Variants in SMCO2 observed in about 807,000 individuals in gnomAD.
SMCO2 encodes single-pass membrane and coiled-coil domain-containing protein 2.
In SMCO2, 25 loss-of-function variants were observed where a neutral mutation model predicts 29.5. The ratio of observed to expected loss-of-function variants is 0.85; its 90% confidence interval spans 0.62 to 1.18. SMCO2 has a LOEUF of 1.18. SMCO2 is among the 50% of genes most tolerant of loss of function. The pLI, the probability that SMCO2 is intolerant of heterozygous loss-of-function variation, is 0.00. For synonymous variants in SMCO2, 117 were observed against 123.3 expected, an observed-to-expected ratio of 0.95 and a Z score of 0.34; for missense variants, 348 against 344.5, an observed-to-expected ratio of 1.01 and a Z score of -0.08.
chr12:27,483,264 G>A (rs1441130392), intron 4 of SMCO2, among the ~76,000 whole-genome samples: 1 of 152,020 alleles, frequency 6.6e-6, no homozygotes, highest in Non-Finnish European at 1.5e-5. Context: ...ATCTCCAACT[G>A]TAACTGTAGA....
chr12:27,444,100 G>A, the SMCO2 span, among the ~76,000 whole-genome samples: 1 of 152,126 alleles, frequency 6.6e-6, no homozygotes, highest in Non-Finnish European at 1.5e-5. Flanking sequence ...AACCAAAGCA[G>A]CATGATTTTA....
At chr12:27,482,761 CG>C (rs1949656211) in intron 4 of SMCO2, among the ~76,000 whole-genome samples, 1 of 152,148 alleles carries the variant, frequency 6.6e-6, no homozygotes, top group African/African-American at 2.4e-5. Context: ...GACAAGGTCT[CG>C]CTCTGTTGCC....
intron 3 of SMCO2, 48 bp downstream of exon 3, chr12:27,472,923 G>A (rs769669796): frequency 1.5e-6 from 2 of 1,360,946 alleles, no homozygotes; most frequent in Non-Finnish European, 2.0e-6. Context: ...GACACAGTAG[G>A]TTGAAGAGAA....
chr12:27,493,081 A>G (rs1942948216), intron 5 of SMCO2, among the ~76,000 whole-genome samples: 1 of 152,200 alleles, frequency 6.6e-6, no homozygotes, highest in Admixed American at 6.5e-5. Context: ...CTAACTCAGG[A>G]ACAGAAAATC....
At chr12:27,495,658 C>T (rs1158960001) in intron 6 of SMCO2, 22 bp from the exon 8 acceptor site, 4 of 1,444,362 alleles carry the variant, frequency 2.8e-6, no homozygotes, top group South Asian at 1.5e-5. Context: ...TTTTAAGGTA[C>T]TTGATTACTC....
chr12:27,456,786 A>G, the SMCO2 span, among the ~76,000 whole-genome samples: 1 of 151,956 alleles, frequency 6.6e-6, no homozygotes, highest in Non-Finnish European at 1.5e-5. Context: ...CAGGCTGTGG[A>G]CTTTGTACCC....
At chr12:27,500,787 T>G (rs1943065758) in intron 7 of SMCO2, among the ~76,000 whole-genome samples, 1 of 150,550 alleles carries the variant, frequency 6.6e-6, no homozygotes, top group South Asian at 2.1e-4. Context: ...ATGTGTGAAG[T>G]GAAAGCAATT....
intron 6 of SMCO2, among the ~76,000 whole-genome samples, chr12:27,495,204 T>A (rs1244241754): frequency 6.6e-6 from 1 of 151,252 alleles, no homozygotes; most frequent in African/African-American, 2.5e-5. Flanking sequence ...TCCCACACCC[T>A]ATTTGTTTTC....
intron 4 of SMCO2, among the ~76,000 whole-genome samples, chr12:27,481,433 A>G (rs1949642612): frequency 6.6e-6 from 1 of 152,122 alleles, no homozygotes; most frequent in African/African-American, 2.4e-5. Flanking sequence ...TTGCCCTACA[A>G]TTTTCTTTTC....
intron 4 of SMCO2, among the ~76,000 whole-genome samples, chr12:27,483,732 T>C (rs1949664667): frequency 6.6e-6 from 1 of 152,130 alleles, no homozygotes; most frequent in Admixed American, 6.5e-5. Context: ...TCCTTTTTCA[T>C]TGTTTTTTAA....
At chr12:27,472,829 A>C (rs910560344) in exon 3 of SMCO2, 1 of 1,550,704 alleles carries the variant, frequency 6.4e-7, no homozygotes, top group Non-Finnish European at 8.7e-7. Context: ...TCGGATGATG[A>C]GGATGACATT....
At chr12:27,501,415 C>CAAAAAAAAAAA (rs540673188) in intron 7 of SMCO2, among the ~76,000 whole-genome samples, 4 of 85,876 alleles carry the variant, frequency 4.7e-5, no homozygotes, top group Non-Finnish European at 8.7e-5. Context: ...GACTCCGTCT[C>CAAAAAAAAAAA]AAAAAAAAAA....
intron 7 of SMCO2, chr12:27,497,810 T>C: frequency 4.7e-6 from 1 of 214,872 alleles, no homozygotes; most frequent in Non-Finnish European, 9.2e-6. Flanking sequence ...AAAAACTATT[T>C]GAGGAGAAAG....
intron 4 of SMCO2, among the ~76,000 whole-genome samples, chr12:27,481,663 T>C (rs1592211013): frequency 6.6e-6 from 1 of 152,230 alleles, no homozygotes; most frequent in Admixed American, 6.5e-5. Context: ...TTATTTTGTA[T>C]CTATTAATTT....
intron 4 of SMCO2, among the ~76,000 whole-genome samples, chr12:27,486,725 A>G (rs890949497): frequency 1.3e-5 from 2 of 152,226 alleles, no homozygotes; most frequent in Non-Finnish European, 2.9e-5. Context: ...CTTGGCACAT[A>G]GTAAATGCTG....
chr12:27,455,535 T>G, the SMCO2 span, among the ~76,000 whole-genome samples: 1 of 152,220 alleles, frequency 6.6e-6, no homozygotes, highest in Non-Finnish European at 1.5e-5. Context: ...ACTTTACCAT[T>G]AAAACCTGCA....
intron 4 of SMCO2, among the ~76,000 whole-genome samples, chr12:27,487,436 G>A (rs1949698062): frequency 6.6e-6 from 1 of 152,004 alleles, no homozygotes; most frequent in African/African-American, 2.4e-5. Flanking sequence ...AGTCTTCCAT[G>A]ATATGAACCT....
At chr12:27,433,115 T>G in the SMCO2 span, among the ~76,000 whole-genome samples, 2 of 152,194 alleles carry the variant, frequency 1.3e-5, no homozygotes, top group Admixed American at 6.5e-5. Context: ...TCCACAAAAA[T>G]GTATAATTTT....
intron 7 of SMCO2, chr12:27,497,824 A>G (rs557358180): frequency 1.8e-4 from 42 of 233,178 alleles, no homozygotes; most frequent in South Asian, 2.8e-4. Flanking sequence ...GAGAAAGAAG[A>G]TATGGTTATC....
Sources: gnomAD v4.1 joint callset for allele counts (sites outside exome capture counted in the v4.1 genomes callset) on GRCh38, gnomAD v4.1.1 for gene constraint, MANE v1.5 for transcripts, NCBI Gene and HGNC (gene_info 2026-07-23, HGNC 2026-07-21) for gene names.